The following PDE1C variants were observed in gnomAD, a reference collection of about 807,000 sequenced individuals.
The protein encoded by PDE1C is phosphodiesterase 1C, also known as dual specificity calcium/calmodulin-dependent 3',5'-cyclic nucleotide phosphodiesterase 1C.
A neutral mutation model predicts 93.1 loss-of-function variants in PDE1C; 62 were observed. The observed-to-expected ratio is 0.67, with a 90% CI of 0.54 to 0.82. The LOEUF is 0.82. Among genes scored for constraint, PDE1C ranks in the 40% least tolerant of loss-of-function variants. The pLI is 0.00. For synonymous variants in PDE1C, 325 were observed against 310.1 expected (o/e 1.05, Z -0.50); for missense variants, 742 against 884.6 (o/e 0.84, Z 2.04).
chr7:32,037,436 C>T (rs1791254601), intron 2 of PDE1C, among the ~76,000 whole-genome samples: 1 of 152,058 alleles, frequency 6.6e-6, no homozygotes, highest in Non-Finnish European at 1.5e-5. Context: ...CTCACTCAAG[C>T]CAGAGCAGGG....
intron 3 of PDE1C, among the ~76,000 whole-genome samples, chr7:32,143,183 T>A (rs1183552994): frequency 6.6e-6 from 1 of 151,778 alleles, no homozygotes; most frequent in Non-Finnish European, 1.5e-5. Flanking sequence ...AATGAGTCTG[T>A]GAAAGAAAGT....
At chr7:31,741,347 T>G in the PDE1C span, among the ~76,000 whole-genome samples, 1 of 152,168 alleles carries the variant, frequency 6.6e-6, no homozygotes, top group Non-Finnish European at 1.5e-5. Flanking sequence ...CTTATCCAGC[T>G]TCAATCCTTT....
chr7:32,093,657 T>C (rs1797594920), intron 3 of PDE1C, among the ~76,000 whole-genome samples: 1 of 152,238 alleles, frequency 6.6e-6, no homozygotes, highest in South Asian at 2.1e-4. Flanking sequence ...TTTACATGAC[T>C]TTGTCATTTG....
chr7:32,146,947 T>C (rs77787789), intron 3 of PDE1C, among the ~76,000 whole-genome samples: 10,822 of 152,148 alleles, frequency 0.071, 532 homozygotes, highest in South Asian at 0.18. Context: ...AAAAATAATT[T>C]GGCAATATAA....
chr7:32,058,010 G>A (rs1282527484), intron 1 of PDE1C, among the ~76,000 whole-genome samples: 1 of 152,126 alleles, frequency 6.6e-6, no homozygotes, highest in Non-Finnish European at 1.5e-5. Flanking sequence ...TTTATAAATA[G>A]GCTTAATATT....
intron 2 of PDE1C, among the ~76,000 whole-genome samples, chr7:32,043,974 C>A (rs974353348): frequency 2.0e-5 from 3 of 152,086 alleles, no homozygotes; most frequent in Non-Finnish European, 2.9e-5. Flanking sequence ...TTAGTTCTGA[C>A]CCATGATAGA....
intron 1 of PDE1C, among the ~76,000 whole-genome samples, chr7:32,398,420 G>T (rs1249612157): frequency 1.3e-5 from 2 of 151,152 alleles, no homozygotes; most frequent in African/African-American, 4.9e-5. Context: ...ACAGAGTCTT[G>T]CTCTGTCACC....
chr7:31,724,039 A>T, the PDE1C span, among the ~76,000 whole-genome samples: 1 of 152,118 alleles, frequency 6.6e-6, no homozygotes, highest in Non-Finnish European at 1.5e-5. Flanking sequence ...CGATCTATTT[A>T]TTTTTTATGT....
intron 1 of PDE1C, among the ~76,000 whole-genome samples, chr7:32,425,796 C>T (rs1365337288): frequency 6.6e-6 from 1 of 152,036 alleles, no homozygotes; most frequent in African/African-American, 2.4e-5. Flanking sequence ...TGAAAATTAA[C>T]CAGGCATGGT....
At chr7:32,339,210 C>CGTACTGTAT (rs1377799893) in intron 1 of PDE1C, among the ~76,000 whole-genome samples, 1 of 151,862 alleles carries the variant, frequency 6.6e-6, no homozygotes, top group Non-Finnish European at 1.5e-5. Flanking sequence ...AACTACTGTA[C>CGTACTGTAT]GATTCCATAC....
In PDE1C at chr7:31,994,784, G is replaced by A. The variant is rs112634387; in HGVS notation, c.128+56770C>T. Among the ~76,000 whole-genome samples the A allele has an allele frequency of 6.3e-4, 96 of 152,286 alleles. 1 individual carries two copies. Among genetic ancestry groups the A allele is most frequent in the Middle Eastern group, 3.4e-3 (1 of 294 alleles). Reference sequence around the variant, plus strand: ...GTTTCATAACCTTAGGCAAATCCAGGAAGAGTGACGGCACAATTACAAAGA... The same window carrying A: ...GTTTCATAACCTTAGGCAAATCCAGAAAGAGTGACGGCACAATTACAAAGA... On this transcript the variant is annotated intron_variant, in intron 2 of 17. Transcript: ENST00000396191.
At chr7:31,669,311 G>A in the PDE1C span, among the ~76,000 whole-genome samples, 4 of 152,066 alleles carry the variant, frequency 2.6e-5, no homozygotes, top group African/African-American at 9.7e-5. Context: ...GTTCTCGTGA[G>A]CCATCCCAGG....
chr7:31,999,752 C>T (rs896608327), intron 2 of PDE1C, among the ~76,000 whole-genome samples: 1 of 152,170 alleles, frequency 6.6e-6, no homozygotes, highest in Non-Finnish European at 1.5e-5. Flanking sequence ...AAAACATTTA[C>T]AATGAGACAT....
chr7:31,849,251 C>T (rs995610294), intron 8 of PDE1C, among the ~76,000 whole-genome samples: 3 of 152,170 alleles, frequency 2.0e-5, no homozygotes, highest in African/African-American at 7.2e-5. Context: ...ATCCTCGTCT[C>T]CAGGCAAGAC....
At chr7:31,928,647 G>T (rs543580475) in intron 2 of PDE1C, among the ~76,000 whole-genome samples, 4 of 152,174 alleles carry the variant, frequency 2.6e-5, no homozygotes, top group Non-Finnish European at 5.9e-5. Flanking sequence ...TTAAAGAAAA[G>T]AATTTTCAAC....
intron 2 of PDE1C, among the ~76,000 whole-genome samples, chr7:32,190,523 A>T (rs1804165019): frequency 1.3e-5 from 2 of 152,324 alleles, no homozygotes; most frequent in Admixed American, 1.3e-4. Flanking sequence ...TGTGTAAATT[A>T]ATAATGCATC....
chr7:31,849,337 C>T (rs1441951686), intron 8 of PDE1C, among the ~76,000 whole-genome samples: 3 of 152,152 alleles, frequency 2.0e-5, no homozygotes, highest in Non-Finnish European at 2.9e-5. Context: ...AGCAAAGGTT[C>T]CACCCACAGA....
intron 2 of PDE1C, among the ~76,000 whole-genome samples, chr7:32,206,100 G>C (rs1399822236): frequency 6.6e-6 from 1 of 152,112 alleles, no homozygotes; most frequent in African/African-American, 2.4e-5. Context: ...ACGCGGCACA[G>C]AATTCATAAT....
chr7:31,757,895 C>A (rs1794571683), intron 17 of PDE1C, among the ~76,000 whole-genome samples: 1 of 152,160 alleles, frequency 6.6e-6, no homozygotes, highest in African/African-American at 2.4e-5. Context: ...TTGGAACCAA[C>A]CCAAATGTCC....
Sources: gnomAD v4.1 joint callset for allele counts (sites outside exome capture counted in the v4.1 genomes callset) on GRCh38, gnomAD v4.1.1 for gene constraint, MANE v1.5 for transcripts, NCBI Gene and HGNC (gene_info 2026-07-23, HGNC 2026-07-21) for gene names.